The following MAP4K4 variants were observed in gnomAD, a reference collection of about 807,000 sequenced individuals.
MAP4K4 encodes the protein mitogen-activated protein kinase kinase kinase kinase 4.
Under a neutral mutation model 189.6 loss-of-function variants are expected in MAP4K4, and 38 were observed. That is an observed-to-expected ratio of 0.20 (90% CI 0.15 to 0.26). The LOEUF is 0.26. Among genes scored for constraint, MAP4K4 ranks in the 10% least tolerant of loss-of-function variants. The probability of loss-of-function intolerance (pLI) is 1.00; values close to 1 mark genes in which losing one functional copy is unlikely to be tolerated. For missense variants in MAP4K4, 1,054 were observed against 1,726.9 expected (o/e 0.61, Z 6.91); for synonymous variants, 610 against 624.3 (o/e 0.98, Z 0.34).
At chr2:101,807,983 T>G (rs1288436359) in intron 3 of MAP4K4, among the ~76,000 whole-genome samples, 1 of 152,242 alleles carries the variant, frequency 6.6e-6, no homozygotes, top group African/African-American at 2.4e-5. Flanking sequence ...GATTACAGTT[T>G]GACCTGAGAT....
rs147295068 is a variant in MAP4K4, at chr2:101,783,327, A to G, written c.124-7393A>G. Among the ~76,000 whole-genome samples the G allele has an allele frequency of 1.8e-3, 274 of 152,290 alleles. 2 individuals carry two copies. The highest frequency in any genetic ancestry group is 6.6e-3 in the Admixed American group (101 of 15,292). ...TAGAATTAGAATTTACTTGTTATGA[A>G]TCTAACCTTCACACACCAAACCCCC... On this transcript the variant is annotated intron_variant, in intron 2 of 32. Coordinates refer to ENST00000324219, the Ensembl canonical transcript of MAP4K4.
chr2:101,727,174 G>A (rs1574343237), intron 2 of MAP4K4, among the ~76,000 whole-genome samples: 1 of 152,126 alleles, frequency 6.6e-6, no homozygotes, highest in South Asian at 2.1e-4. Flanking sequence ...GACAAATATT[G>A]AAGCCATTAC....
intron 2 of MAP4K4, among the ~76,000 whole-genome samples, chr2:101,762,489 G>A (rs924175267): frequency 2.6e-5 from 4 of 152,082 alleles, no homozygotes; most frequent in African/African-American, 4.8e-5. Context: ...AGCTCTGTCC[G>A]GTCCAGGCCC....
At chr2:101,803,667 G>A (rs1261625538) in intron 3 of MAP4K4, among the ~76,000 whole-genome samples, 1 of 152,120 alleles carries the variant, frequency 6.6e-6, no homozygotes, top group African/African-American at 2.4e-5. Flanking sequence ...GGAATTGCTT[G>A]TTTTATTAGT....
At position 101,748,250 on chromosome 2, in the gene MAP4K4, AC is replaced by A. The variant is rs547300967; in HGVS notation, c.124-42467del. 3.5e-4 allele frequency among the ~76,000 whole-genome samples: 54 copies of A among 152,296 alleles called. No individual in the cohort carries two copies. The South Asian group carries it at 0.011, about 32-fold the overall frequency. On this transcript the variant is annotated intron_variant, in intron 2 of 32. Transcript: ENST00000324219. ...AGTGAAGCTGATTAAGCAAGGAAGC[AC>A]CCTAAATAGATTTCCATTTGCACAT...
At chr2:101,719,442 G>A (rs1012684556) in intron 2 of MAP4K4, among the ~76,000 whole-genome samples, 4 of 152,170 alleles carry the variant, frequency 2.6e-5, no homozygotes, top group African/African-American at 9.7e-5. Context: ...ATGGCAGTAA[G>A]TTTCTAGTGA....
At chr2:101,862,234 C>T (rs1205825843) in intron 16 of MAP4K4, 1 of 115,448 alleles carries the variant, frequency 8.7e-6, no homozygotes, top group Non-Finnish European at 1.7e-5. Flanking sequence ...GAGTGAGACT[C>T]CATCTTAAAA....
intron 3 of MAP4K4, among the ~76,000 whole-genome samples, chr2:101,808,184 C>G (rs2095134337): frequency 6.6e-6 from 1 of 152,152 alleles, no homozygotes; most frequent in Non-Finnish European, 1.5e-5. Flanking sequence ...GGCTCCTTAC[C>G]TTGCTGGCAG....
chr2:101,724,965 A>C (rs935192708), intron 2 of MAP4K4, among the ~76,000 whole-genome samples: 1 of 152,220 alleles, frequency 6.6e-6, no homozygotes, highest in Non-Finnish European at 1.5e-5. Flanking sequence ...AATAGTACTC[A>C]GTATATTGAC....
intron 2 of MAP4K4, among the ~76,000 whole-genome samples, chr2:101,719,990 C>T (rs1032024580): frequency 2.0e-5 from 3 of 150,954 alleles, no homozygotes; most frequent in Admixed American, 2.0e-4. Flanking sequence ...CCAGCCTGGG[C>T]GACAAGAGTG....
At chr2:101,843,054 C>T (rs2096969730) in intron 11 of MAP4K4, among the ~76,000 whole-genome samples, 1 of 152,320 alleles carries the variant, frequency 6.6e-6, no homozygotes, top group South Asian at 2.1e-4. Context: ...TTGTCCCGCC[C>T]ATGGACCAGC....
intron 12 of MAP4K4, among the ~76,000 whole-genome samples, chr2:101,848,148 A>G (rs2097168225): frequency 6.6e-6 from 1 of 152,230 alleles, no homozygotes; most frequent in South Asian, 2.1e-4. Context: ...ACGCATTTCT[A>G]GGAACATATC....
intron 32 of MAP4K4, among the ~76,000 whole-genome samples, chr2:101,890,918 A>G (rs911951880): frequency 5.3e-5 from 8 of 151,358 alleles, no homozygotes; most frequent in Admixed American, 1.3e-4. Context: ...GTGCCACCAC[A>G]TGGTATTTTT....
At chr2:101,729,586 T>C (rs2057477023) in intron 2 of MAP4K4, among the ~76,000 whole-genome samples, 1 of 152,236 alleles carries the variant, frequency 6.6e-6, no homozygotes, top group South Asian at 2.1e-4. Flanking sequence ...TTGAAACAAC[T>C]GAATAAACAT....
rs182599679 is a variant in MAP4K4 at position 101,840,068 on chromosome 2, C to A, written c.949+74C>A. On this transcript the variant is annotated intron_variant, in intron 10 of 32. Transcript: ENST00000324219. The stretch of plus-strand genomic sequence containing the variant: ...TTCTTGCCAACTAGAGTAGGTCCCT[C>A]CCTTCCCAGCTGTGAGAGTGCTCAC... 17 of 1,409,638 alleles carry A rather than the reference C, an allele frequency of 1.2e-5. No individual in the cohort carries two copies. The African/African-American group carries it at 1.3e-4, about 11-fold the overall frequency. 87.3% of individuals were successfully genotyped at this position (1,409,638 alleles called of 1,614,324 possible).
At chr2:101,887,804 A>G (rs1206927520) in exon 31 of MAP4K4, 2 of 1,612,004 alleles carry the variant, frequency 1.2e-6, no homozygotes, top group Non-Finnish European at 1.7e-6. Context: ...AACCCCATGC[A>G]ATCATCATCC....
intron 2 of MAP4K4, among the ~76,000 whole-genome samples, chr2:101,743,323 C>T (rs1216521589): frequency 6.6e-6 from 1 of 152,118 alleles, no homozygotes; most frequent in Non-Finnish European, 1.5e-5. Context: ...ATTTCTAACA[C>T]AGTGAAAGTA....
At chr2:101,794,691 G>A (rs1018694685) in intron 3 of MAP4K4, among the ~76,000 whole-genome samples, 1 of 152,100 alleles carries the variant, frequency 6.6e-6, no homozygotes, top group Non-Finnish European at 1.5e-5. Context: ...CTTTGCTTGT[G>A]CCAAGAATGT....
At chr2:101,769,327 G>A (rs2150321912) in intron 2 of MAP4K4, among the ~76,000 whole-genome samples, 1 of 152,278 alleles carries the variant, frequency 6.6e-6, no homozygotes, top group East Asian at 1.9e-4. Context: ...ATTCAGCAAG[G>A]TAAGGTCCCT....
Sources: gnomAD v4.1 joint callset for allele counts (sites outside exome capture counted in the v4.1 genomes callset) on GRCh38, gnomAD v4.1.1 for gene constraint, MANE v1.5 for transcripts, NCBI Gene and HGNC (gene_info 2026-07-23, HGNC 2026-07-21) for gene names.